The following PDSS2 variants were observed in gnomAD, a reference collection of about 807,000 sequenced individuals.
PDSS2 encodes decaprenyl diphosphate synthase subunit 2, also known as all trans-polyprenyl-diphosphate synthase PDSS2.
A neutral mutation model predicts 44.5 loss-of-function variants in PDSS2; 31 were observed. The observed-to-expected ratio is 0.70, with a 90% CI of 0.52 to 0.94. The LOEUF (loss-of-function observed/expected upper bound fraction) is 0.94, where lower values mean the gene tolerates loss of function less well. Among genes scored for constraint, PDSS2 ranks in the 40% least tolerant of loss-of-function variants. PDSS2 has a pLI of 0.00. For synonymous variants in PDSS2, 157 were observed against 180.3 expected (o/e 0.87, Z 1.03); for missense variants, 452 against 482.2 (o/e 0.94, Z 0.59).
At chr6:107,295,868 T>C (rs2115040078) in intron 2 of PDSS2, among the ~76,000 whole-genome samples, 1 of 152,302 alleles carries the variant, frequency 6.6e-6, no homozygotes, top group African/African-American at 2.4e-5. Flanking sequence ...AACAGGTACA[T>C]AACAGATTAT....
intron 1 of PDSS2, among the ~76,000 whole-genome samples, chr6:107,354,323 C>T (rs185186042): frequency 6.6e-6 from 1 of 152,230 alleles, no homozygotes; most frequent in African/African-American, 2.4e-5. Context: ...TATTCCTTTG[C>T]CATCTTTTCT....
At chr6:107,259,472 G>A (rs1286007530) in intron 3 of PDSS2, among the ~76,000 whole-genome samples, 3 of 151,990 alleles carry the variant, frequency 2.0e-5, no homozygotes, top group African/African-American at 7.3e-5. Context: ...AGACCAGCCT[G>A]GCCAACATGG....
chr6:107,314,379 T>C (rs1777138089), intron 2 of PDSS2, among the ~76,000 whole-genome samples: 1 of 152,172 alleles, frequency 6.6e-6, no homozygotes, highest in Admixed American at 6.5e-5. Context: ...ACATATATAC[T>C]TATTTAACCT....
chr6:107,446,856 A>G (rs185349496), intron 1 of PDSS2, among the ~76,000 whole-genome samples: 1 of 152,022 alleles, frequency 6.6e-6, no homozygotes, highest in African/African-American at 2.4e-5. Flanking sequence ...GTTCAAGATG[A>G]GATTTAGGTG....
chr6:107,350,694 C>A (rs1314298594), intron 1 of PDSS2, among the ~76,000 whole-genome samples: 1 of 152,036 alleles, frequency 6.6e-6, no homozygotes, highest in Non-Finnish European at 1.5e-5. Context: ...CCTGTCATCC[C>A]AACTACTAGG....
At chr6:107,344,114 G>T (rs1554268977) in intron 1 of PDSS2, among the ~76,000 whole-genome samples, 1 of 152,136 alleles carries the variant, frequency 6.6e-6, no homozygotes, top group African/African-American at 2.4e-5. Context: ...ACCCTTTTGG[G>T]TCCTACTACT....
At chr6:107,318,272 T>C (rs1210683446) in intron 2 of PDSS2, among the ~76,000 whole-genome samples, 1 of 152,010 alleles carries the variant, frequency 6.6e-6, no homozygotes, top group Non-Finnish European at 1.5e-5. Context: ...CAAGGCAGTC[T>C]AAGAGGAAGT....
chr6:107,222,181 A>AT (rs928902190), intron 4 of PDSS2, among the ~76,000 whole-genome samples: 9 of 151,470 alleles, frequency 5.9e-5, no homozygotes, highest in African/African-American at 1.2e-4. Context: ...ATACCTTATT[A>AT]TTTTTTTTAA....
intron 1 of PDSS2, among the ~76,000 whole-genome samples, chr6:107,415,442 A>G (rs1360597954): frequency 6.6e-6 from 1 of 152,156 alleles, no homozygotes; most frequent in Non-Finnish European, 1.5e-5. Context: ...TTCTAGGTGT[A>G]AGATCCTTGT....
chr6:107,459,545 G>T lies in PDSS2; in HGVS notation c.-260C>A. The T allele has an allele frequency of 1.9e-6, 1 of 532,152 alleles. No individual in the cohort carries two copies. The highest frequency in any genetic ancestry group is 3.4e-5 in the Admixed American group (1 of 29,040). The allele number at this position is 532,152 out of a possible 1,614,324, so 33.0% of individuals were successfully genotyped here. On this transcript the variant is annotated 5_prime_UTR_variant, in exon 1 of 8. Transcript: ENST00000369037. This position sits in a 1 kb window ranked among gnomAD's most constrained non-coding sequence, Gnocchi z 4.3. ...AAACCACAGCCACTGCCTATGTGGA[G>T]GACGCCATATTGGAGGCATGGAATG...
At chr6:107,242,502 C>T (rs9486569) in intron 4 of PDSS2, among the ~76,000 whole-genome samples, 28,877 of 151,836 alleles carry the variant, frequency 0.19, 2,966 homozygotes, top group African/African-American at 0.24. Flanking sequence ...CCTTGGCCTC[C>T]CAAAGTGCTA....
intron 6 of PDSS2, among the ~76,000 whole-genome samples, chr6:107,205,729 G>T (rs1244022413): frequency 6.6e-6 from 1 of 151,978 alleles, no homozygotes; most frequent in Non-Finnish European, 1.5e-5. Flanking sequence ...GCATCCATAG[G>T]CCTATAGTTG....
intron 1 of PDSS2, among the ~76,000 whole-genome samples, chr6:107,419,849 G>GA (rs1780771742): frequency 6.6e-6 from 1 of 152,166 alleles, no homozygotes; most frequent in Non-Finnish European, 1.5e-5. Context: ...ATCCATATAT[G>GA]AAAAGCATCG....
At chr6:107,226,079 C>T (rs542193421) in intron 4 of PDSS2, among the ~76,000 whole-genome samples, 4 of 152,242 alleles carry the variant, frequency 2.6e-5, no homozygotes, top group Admixed American at 2.6e-4. Context: ...GAGGCCGAGG[C>T]AGGAGGATCA....
chr6:107,359,007 C>CTTTTT (rs59632305), intron 1 of PDSS2, among the ~76,000 whole-genome samples: 2,503 of 92,938 alleles, frequency 0.027, 189 homozygotes, highest in African/African-American at 0.082. Flanking sequence ...CATTCTCGCT[C>CTTTTT]TTTTTTTTTT....
intron 7 of PDSS2, among the ~76,000 whole-genome samples, chr6:107,164,112 T>C (rs1771248793): frequency 6.6e-6 from 1 of 152,126 alleles, no homozygotes; most frequent in African/African-American, 2.4e-5. Context: ...CATTGGGGCA[T>C]GTATTTTGAG....
At chr6:107,190,915 G>A (rs1044467303) in intron 7 of PDSS2, among the ~76,000 whole-genome samples, 7 of 151,820 alleles carry the variant, frequency 4.6e-5, no homozygotes, top group Non-Finnish European at 1.0e-4. Flanking sequence ...TTTTTGAGAC[G>A]GAGTCTTGCT....
At chr6:107,260,028 T>C (rs1020323490) in intron 3 of PDSS2, among the ~76,000 whole-genome samples, 3 of 152,164 alleles carry the variant, frequency 2.0e-5, no homozygotes, top group African/African-American at 4.8e-5. Flanking sequence ...AATTAAGCCA[T>C]AGGAATGACA....
At chr6:107,304,650 T>C (rs1232894732) in intron 2 of PDSS2, among the ~76,000 whole-genome samples, 1 of 152,246 alleles carries the variant, frequency 6.6e-6, no homozygotes, top group Non-Finnish European at 1.5e-5. Flanking sequence ...TAAATTACTG[T>C]ATATCTAGTC....
Sources: allele counts gnomAD v4.1 joint callset (sites outside exome capture counted in the v4.1 genomes callset), GRCh38; gene constraint gnomAD v4.1.1; non-coding constraint Gnocchi (gnomAD v3.1); transcripts MANE v1.5; gene names NCBI Gene and HGNC (gene_info 2026-07-23, HGNC 2026-07-21).